ADAM7: variants seen among roughly 807,000 people sequenced by gnomAD.
The protein encoded by ADAM7 is disintegrin and metalloproteinase domain-containing protein 7.
In ADAM7, 97 loss-of-function variants were observed where a neutral mutation model predicts 102.9. That is an observed-to-expected ratio of 0.94 (90% CI 0.80 to 1.12). ADAM7 has a LOEUF of 1.12. Among genes scored for constraint, ADAM7 ranks in the 50% most tolerant of loss-of-function variants. The probability of loss-of-function intolerance (pLI) is 0.00; values close to 1 mark genes in which losing one functional copy is unlikely to be tolerated. For missense variants in ADAM7, 991 were observed against 908.7 expected, an observed-to-expected ratio of 1.09 and a Z score of -1.16; for synonymous variants, 334 against 304.4, an observed-to-expected ratio of 1.10 and a Z score of -1.01.
At chr8:24,505,986 T>G in intron 20 of ADAM7, 1 of 839,054 alleles carries the variant, frequency 1.2e-6, no homozygotes, top group Non-Finnish European at 1.9e-6. Flanking sequence ...TGAGATAGAC[T>G]CATATGTTGT....
chr8:24,503,224 T>C (rs1820823128), intron 20 of ADAM7, among the ~76,000 whole-genome samples: 1 of 152,002 alleles, frequency 6.6e-6, no homozygotes, highest in Non-Finnish European at 1.5e-5. Flanking sequence ...ATGTAAGCAA[T>C]ATATGAAGAT....
At position 24,502,995 on chromosome 8, in the gene ADAM7, A is replaced by G. The variant is rs540400171; in HGVS notation, c.2208+1419A>G. Among the ~76,000 whole-genome samples the G allele has an allele frequency of 2.0e-5, 3 of 152,308 alleles. No homozygotes were observed. The South Asian group carries it at 6.2e-4, about 32-fold the overall frequency. On this transcript the variant is annotated intron_variant, in intron 20 of 21. Coordinates refer to ENST00000175238, the MANE Select transcript of ADAM7 (RefSeq NM_003817.4). ...ATTAGATGTTAGCCAACTGAATCTC[A>G]TGATGAATGATAATGCATCATGATC...
chr8:24,503,704 G>T (rs1009261491), intron 20 of ADAM7, among the ~76,000 whole-genome samples: 2 of 152,058 alleles, frequency 1.3e-5, no homozygotes, highest in African/African-American at 4.8e-5. Context: ...CCATAAAAAA[G>T]GATGAGTTCA....
chr8:24,506,097 A>G, intron 20 of ADAM7: 1 of 1,549,530 alleles, frequency 6.5e-7, no homozygotes, highest in South Asian at 1.2e-5. Flanking sequence ...CTAGCAGAGA[A>G]CTCCAGAATC....
At chr8:24,465,945 CA>C (rs1819410167) in intron 5 of ADAM7, among the ~76,000 whole-genome samples, 170 bp downstream of exon 5, 1 of 152,150 alleles carries the variant, frequency 6.6e-6, no homozygotes, top group Admixed American at 6.5e-5. Context: ...TACATTTTGA[CA>C]AAGAGATGCC....
intron 8 of ADAM7, among the ~76,000 whole-genome samples, chr8:24,479,170 G>T (rs1819866203): frequency 6.6e-6 from 1 of 152,050 alleles, no homozygotes; most frequent in African/African-American, 2.4e-5. Context: ...GTTCCTCAGT[G>T]CCTTCTAGCC....
chr8:24,476,328 G>A, intron 7 of ADAM7, 105 bp from the exon 8 acceptor site: 3 of 756,166 alleles, frequency 4.0e-6, no homozygotes, highest in Non-Finnish European at 4.1e-6. Context: ...TCTTCATTAG[G>A]CCAATGATTT....
intron 3 of ADAM7, among the ~76,000 whole-genome samples, chr8:24,457,068 A>G (rs1041063056): frequency 6.6e-5 from 10 of 152,214 alleles, no homozygotes; most frequent in African/African-American, 2.2e-4. Context: ...AGTAACTACC[A>G]GCAATGTATG....
intron 6 of ADAM7, 54 bp downstream of exon 6, chr8:24,467,042 A>G: frequency 6.7e-7 from 1 of 1,502,332 alleles, no homozygotes; most frequent in Middle Eastern, 1.8e-4. Flanking sequence ...TATTTTCTTG[A>G]TGATGTCTAG....
intron 16 of ADAM7, among the ~76,000 whole-genome samples, chr8:24,496,566 T>A (rs2129394274): frequency 6.6e-6 from 1 of 152,310 alleles, no homozygotes; most frequent in South Asian, 2.1e-4. Flanking sequence ...GAGGCAGAGC[T>A]GCTCAAGACT....
At chr8:24,465,292 G>A (rs1050717921) in intron 4 of ADAM7, among the ~76,000 whole-genome samples, 5 of 152,144 alleles carry the variant, frequency 3.3e-5, no homozygotes, top group African/African-American at 1.2e-4. Flanking sequence ...ACTACCATGG[G>A]CAGAGCATCA....
At chr8:24,449,560 G>C (rs537815569) in intron 3 of ADAM7, among the ~76,000 whole-genome samples, 7 of 152,312 alleles carry the variant, frequency 4.6e-5, no homozygotes, top group Admixed American at 3.3e-4. Context: ...CCCTTTGTCA[G>C]ATATGCAGGT....
intron 20 of ADAM7, among the ~76,000 whole-genome samples, chr8:24,503,531 T>C (rs1208334676): frequency 6.6e-6 from 1 of 152,158 alleles, no homozygotes; most frequent in Non-Finnish European, 1.5e-5. Context: ...ACTGGGTATA[T>C]ACCCAAAGGA....
chr8:24,508,854 CTTTCT>C lies in ADAM7; in HGVS notation c.*312_*316del. 1 of 1,191,620 alleles carries C rather than the reference CTTTCT, an allele frequency of 8.4e-7. No homozygotes were observed. Among genetic ancestry groups the C allele is most frequent in the South Asian group, 3.8e-5 (1 of 26,094 alleles). The allele number at this position is 1,191,620 out of a possible 1,614,324, so 73.8% of individuals were successfully genotyped here. ...TATTTTCCTACAAAATGTTACTCTG[CTTTCT>C]TTTAAGAATCCAAACTTTAAGGATG... On this transcript the variant is annotated 3_prime_UTR_variant, in exon 22 of 22. Transcript: ENST00000175238.
At chr8:24,451,148 A>G (rs1232233322) in intron 3 of ADAM7, among the ~76,000 whole-genome samples, 1 of 150,792 alleles carries the variant, frequency 6.6e-6, no homozygotes, top group Non-Finnish European at 1.5e-5. Context: ...TTGGTATCAG[A>G]ATGATGCTGG....
intron 16 of ADAM7, among the ~76,000 whole-genome samples, chr8:24,498,238 T>C (rs959028685): frequency 2.0e-5 from 3 of 151,716 alleles, no homozygotes; most frequent in African/African-American, 7.2e-5. Context: ...TCAGGAATAA[T>C]AAATAATTTT....
At chr8:24,448,950 A>G (rs1242345458) in intron 3 of ADAM7, among the ~76,000 whole-genome samples, 2 of 151,956 alleles carry the variant, frequency 1.3e-5, no homozygotes, top group African/African-American at 2.4e-5. Context: ...ATGATTTCCA[A>G]TTTCATCCAT....
At chr8:24,500,372 T>C (rs1563397562) in intron 18 of ADAM7, 116 bp downstream of exon 18, 3 of 923,272 alleles carry the variant, frequency 3.2e-6, no homozygotes, top group African/African-American at 1.6e-5. Context: ...ATTTGTATGG[T>C]CTTCATATTA....
intron 2 of ADAM7, among the ~76,000 whole-genome samples, chr8:24,444,446 G>C (rs952607453): frequency 1.3e-5 from 2 of 151,846 alleles, no homozygotes; most frequent in Admixed American, 1.3e-4. Flanking sequence ...CTGAAGGGGG[G>C]AAAGAGTCAT....
Sources: allele counts gnomAD v4.1 joint callset (sites outside exome capture counted in the v4.1 genomes callset), GRCh38; gene constraint gnomAD v4.1.1; transcripts MANE v1.5; gene names NCBI Gene and HGNC (gene_info 2026-07-23, HGNC 2026-07-21).